BRD3: variants seen among roughly 807,000 people sequenced by gnomAD.
The protein encoded by BRD3 is bromodomain containing 3.
BRD3 carries 17 observed loss-of-function variants against 66.8 expected under a neutral mutation model. The observed-to-expected ratio is 0.25, with a 90% CI of 0.17 to 0.38. The LOEUF (loss-of-function observed/expected upper bound fraction) is 0.38, where lower values mean the gene tolerates loss of function less well. Among genes scored for constraint, BRD3 ranks in the 10% least tolerant of loss-of-function variants. The pLI, the probability that BRD3 is intolerant of heterozygous loss-of-function variation, is 1.00. For missense variants in BRD3, 713 were observed against 956.1 expected, an observed-to-expected ratio of 0.75 and a Z score of 3.35; for synonymous variants, 421 against 393.2, an observed-to-expected ratio of 1.07 and a Z score of -0.84.
At chr9:134,059,718 G>C (rs1830498860) in intron 1 of BRD3, among the ~76,000 whole-genome samples, 1 of 152,194 alleles carries the variant, frequency 6.6e-6, no homozygotes. Flanking sequence ...AGTGCAGGAA[G>C]AACTCATTTC....
At chr9:134,047,983 C>T in intron 6 of BRD3, 100 bp downstream of exon 6, 1 of 1,412,190 alleles carries the variant, frequency 7.1e-7, no homozygotes, top group South Asian at 1.5e-5. Context: ...AAGCGAGACC[C>T]TGCTCCCCGA....
intron 6 of BRD3, 55 bp downstream of exon 6, chr9:134,048,028 C>A: frequency 6.7e-7 from 1 of 1,490,504 alleles, no homozygotes; most frequent in South Asian, 1.4e-5. Context: ...ACATCAGCAC[C>A]CACGGCAGAG....
chr9:134,040,529 C>T (rs1830022121), intron 8 of BRD3, among the ~76,000 whole-genome samples: 1 of 152,176 alleles, frequency 6.6e-6, no homozygotes, highest in African/African-American at 2.4e-5. Context: ...GCGCGGGTGG[C>T]ACAACAGGGA....
chr9:134,063,105 C>G (rs879910917), intron 1 of BRD3, among the ~76,000 whole-genome samples: 10 of 152,346 alleles, frequency 6.6e-5, no homozygotes, highest in Admixed American at 6.5e-4. Context: ...CGAGCCAGGA[C>G]AAGGGGCCAG....
intron 9 of BRD3, among the ~76,000 whole-genome samples, chr9:134,038,282 G>C (rs1829971285): frequency 6.7e-6 from 1 of 148,836 alleles, no homozygotes; most frequent in Admixed American, 6.6e-5. Context: ...AGCCTCCTGA[G>C]TAGCTGGGAT....
At position 134,045,776 on chromosome 9, in the gene BRD3, G is replaced by A. The variant is rs1004651244; in HGVS notation, c.1087-355C>T. 3.3e-5 allele frequency among the ~76,000 whole-genome samples: 5 copies of A among 152,248 alleles called. No individual in the cohort carries two copies. Among genetic ancestry groups the A allele is most frequent in the East Asian group, 3.9e-4 (2 of 5,170 alleles). On this transcript the variant is annotated intron_variant, in intron 6 of 11. Coordinates refer to ENST00000303407, the MANE Select transcript of BRD3 (RefSeq NM_007371.4). The surrounding 1 kb of genome is among the most constrained non-coding windows in gnomAD (Gnocchi z 4.8). ...ACACAAAGCGGGTAAATCTTCACAC[G>A]CCGCCACGCCATCAGCAGCCCCAGG...
In BRD3 at chr9:134,040,104, G is replaced by A. The variant is rs1489021409; in HGVS notation, c.1573C>T (p.Pro525Ser). 2 of 1,581,628 alleles carry A rather than the reference G, an allele frequency of 1.3e-6. No homozygotes were observed. Among genetic ancestry groups the A allele is most frequent in the Non-Finnish European group, 1.7e-6 (2 of 1,164,916 alleles). Residue 525 changes from proline to serine, a missense_variant, in exon 9 of 12, where the codon CCG becomes TCG. This residue lies in a region of BRD3 where 418 missense variants were observed against 609.3 expected (regional missense o/e 0.69). Coordinates refer to ENST00000303407, the MANE Select transcript of BRD3 (RefSeq NM_007371.4). ...AEEEKKAKVA[P>S]PAKQAQQKKA... ...TTCTGCTGAGCCTGCTTGGCAGGCG[G>A]AGCCACCTTGGCCTTCTTCTCTTCC... is the stretch of plus-strand genomic sequence containing the variant.
chr9:134,040,328 G>A (rs576361535), intron 8 of BRD3, 59 bp from the exon 9 acceptor site: 33 of 1,535,476 alleles, frequency 2.1e-5, no homozygotes, highest in Admixed American at 1.3e-4. Context: ...CTGGGGCTGC[G>A]TGGCGCCCTG....
chr9:134,053,594 C>T lies in BRD3; in HGVS notation c.-113-4G>A, dbSNP rs202242539. Reference sequence around the variant, plus strand: ...TCCGGGCCCAACCAGGCGACAGCTGCAGAGGAGGAAGCACAACAGAGAGGA... The same window carrying T: ...TCCGGGCCCAACCAGGCGACAGCTGTAGAGGAGGAAGCACAACAGAGAGGA... On this transcript the variant is annotated splice_polypyrimidine_tract_variant and splice_region_variant and intron_variant, in intron 1 of 11. Transcript: ENST00000303407. 2 of 1,444,576 alleles carry T rather than the reference C, an allele frequency of 1.4e-6. No individual in the cohort carries two copies. Among genetic ancestry groups the T allele is most frequent in the Non-Finnish European group, 1.8e-6 (2 of 1,103,086 alleles). 89.5% of individuals were successfully genotyped at this position (1,444,576 alleles called of 1,614,324 possible).
At position 134,032,108 on chromosome 9, in the gene BRD3, A is replaced by G. The variant is rs1002158136; in HGVS notation, c.*1482T>C. 4.6e-5 allele frequency: 10 copies of G among 217,862 alleles called. No individual in the cohort carries two copies. Among genetic ancestry groups the G allele is most frequent in the Non-Finnish European group, 9.2e-5 (10 of 108,366 alleles). The allele number at this position is 217,862 out of a possible 1,614,324, so 13.5% of individuals were successfully genotyped here. A position where few individuals can be genotyped will look rare whatever the true frequency, so the allele number is the denominator to read the frequency against. On this transcript the variant is annotated 3_prime_UTR_variant, in exon 12 of 12. Transcript: ENST00000303407. Reference sequence around the variant, plus strand: ...TCTGGCATTCCTGGCCGGAGCCGCCATGCTCATTGGTGGGCCAGTTTGGGA... The same window carrying G: ...TCTGGCATTCCTGGCCGGAGCCGCCGTGCTCATTGGTGGGCCAGTTTGGGA...
chr9:134,054,839 A>C (rs1026002227), intron 1 of BRD3, among the ~76,000 whole-genome samples: 9 of 151,902 alleles, frequency 5.9e-5, no homozygotes, highest in African/African-American at 2.2e-4. Context: ...CTGGATGCTC[A>C]ATGTCGTCAG....
chr9:134,036,538 G>A (rs762778847), intron 9 of BRD3: 9 of 1,608,934 alleles, frequency 5.6e-6, no homozygotes, highest in South Asian at 4.4e-5. Flanking sequence ...ACAGAGGTTC[G>A]TTCCTCTCTA....
chr9:134,041,836 T>C lies in BRD3; in HGVS notation c.1331A>G (p.Glu444Gly). The C allele has an allele frequency of 6.2e-7, 1 of 1,613,156 alleles. No individual in the cohort carries two copies. Among genetic ancestry groups the C allele is most frequent in the Non-Finnish European group, 8.5e-7 (1 of 1,179,880 alleles). ...SKGAESSRSS[E>G]ESSSDSGSSD... Reference sequence around the variant, plus strand: ...GCTGCCTGAGTCCGAAGAGCTCTCCTCACTGCTACGGCTGCTCTCAGCGCC... The same window carrying C: ...GCTGCCTGAGTCCGAAGAGCTCTCCCCACTGCTACGGCTGCTCTCAGCGCC... The change falls in exon 8 of 12, where the codon GAG becomes GGG. Residue 444 changes from glutamate to glycine, a missense_variant. Physicochemically the swap from Glu to Gly is moderately conservative, Grantham distance 98 (BLOSUM62 -2). Transcript: ENST00000303407.
At chr9:134,054,899 G>A (rs1256154844) in intron 1 of BRD3, among the ~76,000 whole-genome samples, 2 of 152,156 alleles carry the variant, frequency 1.3e-5, no homozygotes, top group African/African-American at 4.8e-5. Flanking sequence ...GAGAGGAAAG[G>A]GCTTCAAACT....
chr9:134,040,359 C>T (rs761533710), intron 8 of BRD3, 90 bp from the exon 9 acceptor site: 14 of 1,435,878 alleles, frequency 9.8e-6, no homozygotes, highest in Middle Eastern at 2.2e-4. Flanking sequence ...GGGCTTGGGG[C>T]GATGTCGGAG....
In BRD3 at chr9:134,035,970, G is replaced by A. The variant is rs1202769038; in HGVS notation, c.1936+62C>T. On this transcript the variant is annotated intron_variant, in intron 10 of 11. Transcript: ENST00000303407. The stretch of plus-strand genomic sequence containing the variant: ...CGCACAGGGTCCGTGAGGAGTGACA[G>A]GAGGGGCAGGCCAAGGAGGGGAGAG... 8 of 1,541,740 alleles carry A rather than the reference G, an allele frequency of 5.2e-6. No individual in the cohort carries two copies. In the South Asian group the frequency reaches 8.9e-5, roughly 17 times the overall value.
At chr9:134,044,018 C>T (rs1307340292) in intron 7 of BRD3, among the ~76,000 whole-genome samples, 1 of 152,250 alleles carries the variant, frequency 6.6e-6, no homozygotes, top group Non-Finnish European at 1.5e-5. Flanking sequence ...CTTCCCTGCT[C>T]GGTCTGCAAG....
At position 134,032,664 on chromosome 9, in the gene BRD3, CT is replaced by C. The variant is rs1010875137; in HGVS notation, c.*925del. ...TTCTTCTGCGGTTTTTTCTTATTTT[CT>C]TTTTTTTAAAAATGACCAATGATGT... On this transcript the variant is annotated 3_prime_UTR_variant, in exon 12 of 12. Transcript: ENST00000303407. 12 of 225,584 alleles carry C rather than the reference CT, an allele frequency of 5.3e-5. No individual in the cohort carries two copies. Among genetic ancestry groups the C allele is most frequent in the South Asian group, 1.8e-4 (1 of 5,454 alleles). 14.0% of individuals were successfully genotyped at this position (225,584 alleles called of 1,614,324 possible).
intron 7 of BRD3, among the ~76,000 whole-genome samples, chr9:134,044,643 T>G (rs1830129704): frequency 6.6e-6 from 1 of 152,262 alleles, no homozygotes; most frequent in East Asian, 1.9e-4. Flanking sequence ...AAAATATGTG[T>G]GCGGGACCTG....
Sources: gnomAD v4.1 joint callset for allele counts (sites outside exome capture counted in the v4.1 genomes callset) on GRCh38, gnomAD v4.1.1 for gene constraint, gnomAD v4.1.1 regional missense constraint, Gnocchi (gnomAD v3.1) non-coding constraint, MANE v1.5 for transcripts, NCBI Gene and HGNC (gene_info 2026-07-23, HGNC 2026-07-21) for gene names.